Variants in TRIM14 observed in about 807,000 individuals in gnomAD.
TRIM14 encodes the protein tripartite motif containing 14.
Under a neutral mutation model 44.5 loss-of-function variants are expected in TRIM14, and 28 were observed. The observed-to-expected ratio is 0.63, with a 90% CI of 0.47 to 0.86. The LOEUF is 0.86. Among genes scored for constraint, TRIM14 ranks in the 40% least tolerant of loss-of-function variants. The probability of loss-of-function intolerance (pLI) is 0.00; values close to 1 mark genes in which losing one functional copy is unlikely to be tolerated. For missense variants in TRIM14, 607 were observed against 611.1 expected (o/e 0.99, Z 0.07); for synonymous variants, 299 against 269.2 (o/e 1.11, Z -1.08).
At chr9:98,109,842 G>A (rs1359660174) in intron 2 of TRIM14, 47 bp downstream of exon 2, 1 of 1,501,438 alleles carries the variant, frequency 6.7e-7, no homozygotes, top group Non-Finnish European at 9.2e-7. Context: ...TTGTCTGGGG[G>A]GAAATGTGGG....
At chr9:98,097,682 C>T (rs752475472) in intron 3 of TRIM14, among the ~76,000 whole-genome samples, 3 of 151,962 alleles carry the variant, frequency 2.0e-5, no homozygotes, top group African/African-American at 4.8e-5. Flanking sequence ...GATGAATAAA[C>T]GAATGAACAC....
the TRIM14 span, among the ~76,000 whole-genome samples, chr9:98,049,851 C>G: frequency 3.3e-5 from 5 of 152,170 alleles, no homozygotes; most frequent in Non-Finnish European, 5.9e-5. Flanking sequence ...TGGAGTCACT[C>G]TAGTTCAAAT....
In TRIM14 at chr9:98,086,382, T is replaced by C. The variant is rs1825776732; in HGVS notation, c.*1088A>G. 1 of 152,226 alleles carries C rather than the reference T, an allele frequency of 6.6e-6. No homozygotes were observed. The highest frequency in any genetic ancestry group is 2.4e-5 in the African/African-American group (1 of 41,408). The allele number at this position is 152,226 out of a possible 1,614,324, so 9.4% of individuals were successfully genotyped here. A position where few individuals can be genotyped will look rare whatever the true frequency, so the allele number is the denominator to read the frequency against. On this transcript the variant is annotated 3_prime_UTR_variant, in exon 6 of 6. Coordinates refer to ENST00000341469, the MANE Select transcript of TRIM14 (RefSeq NM_014788.4). ...AGGACCTCAGACTCCCCAGATGAGA[T>C]CTGGCTGGGTGACCTGTGAGGCCCG...
chr9:98,062,456 T>TA, the TRIM14 span, among the ~76,000 whole-genome samples: 1,140 of 152,142 alleles, frequency 7.5e-3, 53 homozygotes, highest in Admixed American at 0.065. Flanking sequence ...CTTTTGAATG[T>TA]AAAAAAAATT....
intron 4 of TRIM14, 61 bp from the exon 5 acceptor site, chr9:98,092,062 G>A: frequency 1.5e-6 from 2 of 1,320,404 alleles, no homozygotes; most frequent in African/African-American, 1.5e-5. Context: ...AATAAGACGT[G>A]CTAAAAATAC....
At chr9:98,060,777 T>G in the TRIM14 span, 69 of 1,613,650 alleles carry the variant, frequency 4.3e-5, 1 homozygote, top group Non-Finnish European at 5.7e-5. Flanking sequence ...TAATGTGTGT[T>G]GTAGGAGTGT....
chr9:98,057,060 C>A, the TRIM14 span: 798 of 1,314,648 alleles, frequency 6.1e-4, 19 homozygotes, highest in East Asian at 0.022. Context: ...TCTTCCCGCC[C>A]GCCAGTTCCG....
At chr9:98,057,027 CG>C in the TRIM14 span, 1 of 1,429,452 alleles carries the variant, frequency 7.0e-7, no homozygotes, top group South Asian at 1.4e-5. Flanking sequence ...ACGGCCTCCG[CG>C]GCTGGGTACC....
downstream of TRIM14, among the ~76,000 whole-genome samples, chr9:98,068,391 C>T (rs764454412): frequency 1.3e-5 from 2 of 151,914 alleles, no homozygotes; most frequent in Admixed American, 6.6e-5. Flanking sequence ...CTGCCTTCCT[C>T]GGCCTCCCAA....
In TRIM14 at chr9:98,087,702, C is replaced by G; in HGVS notation, c.1097G>C (p.Arg366Pro). The G allele has an allele frequency of 6.3e-7, 1 of 1,598,692 alleles. No individual in the cohort carries two copies. The highest frequency in any genetic ancestry group is 8.5e-7 in the Non-Finnish European group (1 of 1,178,208). ...GCNRQSWCLK[R>P]YDLEYWAFHD... is the part of the protein sequence containing the mutation. ...GAAGGCCCAGTACTCAAGGTCGTAG[C>G]GCTTGAGGCACCAGGACTGGCGGTT... The change falls in exon 6 of 6, where the codon CGC becomes CCC. Residue 366 changes from arginine to proline, a missense_variant. This residue lies in a region of TRIM14 where 356 missense variants were observed against 323.0 expected (regional missense o/e 1.10). Transcript: ENST00000341469.
intron 6 of TRIM14, chr9:98,075,919 T>C (rs796472530): frequency 4.6e-5 from 7 of 152,344 alleles, no homozygotes; most frequent in African/African-American, 1.7e-4. Context: ...TTTACTCTTA[T>C]AACTTGTGAT....
At chr9:98,057,550 G>T in the TRIM14 span, among the ~76,000 whole-genome samples, 2 of 152,174 alleles carry the variant, frequency 1.3e-5, no homozygotes, top group African/African-American at 4.8e-5. Context: ...TGAAAACGGG[G>T]CTTGAAAACA....
chr9:98,054,985 C>G, the TRIM14 span, among the ~76,000 whole-genome samples: 1 of 152,160 alleles, frequency 6.6e-6, no homozygotes, highest in African/African-American at 2.4e-5. Context: ...ACATCAATTT[C>G]CCCTAGCATT....
At chr9:98,064,071 A>G in the TRIM14 span, among the ~76,000 whole-genome samples, 1 of 152,142 alleles carries the variant, frequency 6.6e-6, no homozygotes, top group Admixed American at 6.6e-5. Flanking sequence ...TGAAAGAAGC[A>G]CACATGCAGC....
intron 1 of TRIM14, chr9:98,115,802 G>A (rs1317230386): frequency 2.6e-5 from 4 of 152,190 alleles, no homozygotes; most frequent in Admixed American, 2.6e-4. Context: ...GGCTTTGACT[G>A]AAATGATATA....
Position 98,092,008 on chromosome 9 carries a change from G to A in TRIM14, c.701-7C>T. On this transcript the variant is annotated splice_polypyrimidine_tract_variant and splice_region_variant and intron_variant, in intron 4 of 5. Coordinates refer to ENST00000341469, the MANE Select transcript of TRIM14 (RefSeq NM_014788.4). ...GAGAGCTGGCAGTTTATGCCTGTAA[G>A]GAATTGTTGAGAAATGAGCGCCCGG... 4 of 1,602,264 alleles carry A rather than the reference G, an allele frequency of 2.5e-6. No individual in the cohort carries two copies. The highest frequency in any genetic ancestry group is 3.4e-6 in the Non-Finnish European group (4 of 1,172,904).
intron 1 of TRIM14, among the ~76,000 whole-genome samples, chr9:98,115,492 C>G (rs1827017302): frequency 6.6e-6 from 1 of 152,174 alleles, no homozygotes; most frequent in Non-Finnish European, 1.5e-5. Context: ...TCGTGATCCA[C>G]CCACTTTGGC....
At chr9:98,110,547 T>C (rs1201913927) in intron 1 of TRIM14, among the ~76,000 whole-genome samples, 1 of 152,020 alleles carries the variant, frequency 6.6e-6, no homozygotes, top group Non-Finnish European at 1.5e-5. Flanking sequence ...AAGGGTGTGA[T>C]CTCGTCTCCA....
intron 2 of TRIM14, among the ~76,000 whole-genome samples, chr9:98,102,654 G>C (rs1826442260): frequency 1.3e-5 from 2 of 152,178 alleles, no homozygotes; most frequent in Admixed American, 1.3e-4. Context: ...ACAGAAAGTA[G>C]AGTCGACGTT....
Sources: gnomAD v4.1 joint callset for allele counts (sites outside exome capture counted in the v4.1 genomes callset) on GRCh38, gnomAD v4.1.1 for gene constraint, gnomAD v4.1.1 regional missense constraint, MANE v1.5 for transcripts, NCBI Gene and HGNC (gene_info 2026-07-23, HGNC 2026-07-21) for gene names.